CBR4: variants seen among roughly 807,000 people sequenced by gnomAD.
CBR4 encodes 3-oxoacyl-[acyl-carrier-protein] reductase.
CBR4 carries 22 observed loss-of-function variants against 21.0 expected under a neutral mutation model. The ratio of observed to expected loss-of-function variants is 1.05; its 90% CI spans 0.75 to 1.50. The LOEUF (loss-of-function observed/expected upper bound fraction) is 1.50. Ranked by LOEUF, CBR4 falls within the 40% of genes most tolerant of loss-of-function variation. The probability of loss-of-function intolerance (pLI) is 0.00; values close to 1 mark genes in which losing one functional copy is unlikely to be tolerated. For missense variants in CBR4, 302 were observed against 286.3 expected (o/e 1.05, Z -0.40); for synonymous variants, 100 against 104.4 (o/e 0.96, Z 0.26).
At chr4:168,971,001 G>A (rs184827956) in intron 2 of CBR4, among the ~76,000 whole-genome samples, 1 of 152,284 alleles carries the variant, frequency 6.6e-6, no homozygotes, top group East Asian at 1.9e-4. Context: ...CCAGGAGCGG[G>A]ATTGCTGGAT....
rs1337426409 is a variant in CBR4, at chr4:168,989,178, A to G, written c.*972T>C. 1 of 967,580 alleles carries G rather than the reference A, an allele frequency of 1.0e-6. No homozygotes were observed. The highest frequency in any genetic ancestry group is 1.1e-4 in the East Asian group (1 of 8,746). 59.9% of individuals were successfully genotyped at this position (967,580 alleles called of 1,614,324 possible). A position where few individuals can be genotyped will look rare whatever the true frequency, so the allele number is the denominator to read the frequency against. ...TTATTACTTTCTAGAATTTTGGGAT[A>G]AGAATCATAATCACTAATGCAAAAT... is the stretch of plus-strand genomic sequence containing the variant. On this transcript the variant is annotated 3_prime_UTR_variant, in exon 5 of 5. Coordinates refer to ENST00000306193, the MANE Select transcript of CBR4 (RefSeq NM_032783.5).
At chr4:169,002,473 G>A (rs1025031545) in intron 3 of CBR4, among the ~76,000 whole-genome samples, 3 of 152,164 alleles carry the variant, frequency 2.0e-5, no homozygotes, top group African/African-American at 4.8e-5. Flanking sequence ...GATTCACTAC[G>A]TGAAGGGGAT....
At chr4:168,950,520 T>C (rs1763510829) in intron 2 of CBR4, among the ~76,000 whole-genome samples, 1 of 152,206 alleles carries the variant, frequency 6.6e-6, no homozygotes, top group Non-Finnish European at 1.5e-5. Flanking sequence ...TATCATATGG[T>C]CTATCTTGGA....
chr4:168,944,692 GA>G (rs1347289951), intron 2 of CBR4, among the ~76,000 whole-genome samples: 1 of 151,972 alleles, frequency 6.6e-6, no homozygotes, highest in African/African-American at 2.4e-5. Flanking sequence ...AATTTAATAG[GA>G]AAAAAAGTGT....
chr4:168,957,341 T>A (rs537689434), intron 2 of CBR4, among the ~76,000 whole-genome samples: 1 of 152,076 alleles, frequency 6.6e-6, no homozygotes, highest in East Asian at 1.9e-4. Context: ...ATATGACTAG[T>A]CACTACAAGA....
chr4:168,912,241 G>A (rs1188425831), intron 2 of CBR4, among the ~76,000 whole-genome samples: 1 of 152,156 alleles, frequency 6.6e-6, no homozygotes, highest in East Asian at 1.9e-4. Flanking sequence ...GACAGCCAAT[G>A]GGAGAATTTT....
At chr4:168,979,725 G>A (rs964139431) in intron 2 of CBR4, among the ~76,000 whole-genome samples, 1 of 152,030 alleles carries the variant, frequency 6.6e-6, no homozygotes, top group Non-Finnish European at 1.5e-5. Flanking sequence ...TCTGGCTTTG[G>A]CCCCCAGAGC....
chr4:168,898,765 T>A, intron 2 of CBR4: 1 of 1,227,948 alleles, frequency 8.1e-7, no homozygotes, highest in Non-Finnish European at 1.2e-6. Flanking sequence ...AGGAAAGGTT[T>A]AGCTTCCAAA....
intron 2 of CBR4, among the ~76,000 whole-genome samples, chr4:168,912,475 A>G (rs1172922867): frequency 6.6e-6 from 1 of 152,214 alleles, no homozygotes; most frequent in Non-Finnish European, 1.5e-5. Context: ...AAATTAAGAG[A>G]AAGGGCTGAA....
At chr4:168,917,800 T>A (rs1164447927) in intron 2 of CBR4, among the ~76,000 whole-genome samples, 1 of 152,120 alleles carries the variant, frequency 6.6e-6, no homozygotes, top group Non-Finnish European at 1.5e-5. Context: ...TGTATATATT[T>A]TATATATATA....
At chr4:168,900,329 G>A (rs1484370099) in intron 2 of CBR4, among the ~76,000 whole-genome samples, 3 of 151,916 alleles carry the variant, frequency 2.0e-5, no homozygotes, top group Admixed American at 6.6e-5. Flanking sequence ...AAAACAGAAG[G>A]CCAAGTATTG....
intron 2 of CBR4, chr4:168,924,369 T>C: frequency 6.2e-7 from 1 of 1,614,042 alleles, no homozygotes; most frequent in East Asian, 2.2e-5. Context: ...CCACCTCAGA[T>C]ATTTTGGAAG....
At chr4:168,952,462 G>A (rs1374492686) in intron 2 of CBR4, among the ~76,000 whole-genome samples, 1 of 152,112 alleles carries the variant, frequency 6.6e-6, no homozygotes, top group Non-Finnish European at 1.5e-5. Context: ...TGCTGACCTA[G>A]TGTGATTTTG....
downstream of CBR4, among the ~76,000 whole-genome samples, chr4:168,985,456 C>T (rs1451319892): frequency 1.3e-5 from 2 of 152,158 alleles, no homozygotes; most frequent in East Asian, 3.9e-4. Context: ...TAAATTAGTT[C>T]AGCCACTGTG....
At chr4:168,993,312 G>C (rs996684642) in intron 4 of CBR4, among the ~76,000 whole-genome samples, 2 of 151,434 alleles carry the variant, frequency 1.3e-5, no homozygotes, top group African/African-American at 4.9e-5. Flanking sequence ...CTGGGTTCAA[G>C]CGACTCTCCT....
intron 1 of CBR4, 25 bp downstream of exon 1, chr4:169,009,923 T>C (rs1731270051): frequency 1.2e-6 from 2 of 1,601,866 alleles, no homozygotes; most frequent in African/African-American, 1.3e-5. Context: ...GCCATACAAC[T>C]GGACAACTCC....
At chr4:169,001,125 T>C (rs1390677665) in intron 4 of CBR4, 2 of 151,676 alleles carry the variant, frequency 1.3e-5, no homozygotes, top group African/African-American at 4.8e-5. Context: ...GCTGGGACTA[T>C]AGGTGTGCAC....
chr4:168,982,586 G>C (rs562166524), intron 2 of CBR4, among the ~76,000 whole-genome samples: 5 of 152,060 alleles, frequency 3.3e-5, no homozygotes, highest in Non-Finnish European at 7.4e-5. Context: ...AACATCTACA[G>C]AACACTCCAC....
chr4:168,921,850 T>A (rs1183883028), intron 2 of CBR4: 1 of 893,112 alleles, frequency 1.1e-6, no homozygotes, highest in African/African-American at 1.7e-5. Context: ...ATTGAAAAAA[T>A]AGATTGTATC....
Sources: gnomAD v4.1 joint callset for allele counts (sites outside exome capture counted in the v4.1 genomes callset) on GRCh38, gnomAD v4.1.1 for gene constraint, MANE v1.5 for transcripts, NCBI Gene and HGNC (gene_info 2026-07-23, HGNC 2026-07-21) for gene names.